Variants in FREM1 observed in about 807,000 individuals in gnomAD.
FREM1 encodes FRAS1 related extracellular matrix 1, also known as FRAS1-related extracellular matrix protein 1.
A neutral mutation model predicts 210.1 loss-of-function variants in FREM1; 220 were observed. The observed-to-expected ratio is 1.05, with a 90% CI of 0.94 to 1.17. The LOEUF (loss-of-function observed/expected upper bound fraction) is 1.17. Ranked by LOEUF, FREM1 falls within the 50% of genes most tolerant of loss-of-function variation. The pLI is 0.00. For missense variants in FREM1, 3,454 were observed against 2,675.5 expected (o/e 1.29, Z -6.42); for synonymous variants, 1,189 against 980.2 (o/e 1.21, Z -3.98).
chr9:14,900,560 A>C lies in FREM1; in HGVS notation c.-268+9354T>G, dbSNP rs559119082. On this transcript the variant is annotated intron_variant, in intron 1 of 36. Transcript: ENST00000380880. ...TAGGAAGAGCCCAAAAGCAAGACCC[A>C]GTGTGGTGGTGGTTGGTTGGGGGAG... 2.4e-3 allele frequency among the ~76,000 whole-genome samples: 369 copies of C among 152,194 alleles called. 2 individuals carry two copies. Among genetic ancestry groups the C allele is most frequent in the African/African-American group, 8.4e-3 (349 of 41,526 alleles).
intron 5 of FREM1, among the ~76,000 whole-genome samples, chr9:14,857,108 T>C (rs1299752757): frequency 6.6e-6 from 1 of 152,098 alleles, no homozygotes; most frequent in Non-Finnish European, 1.5e-5. Flanking sequence ...GAGTGACAAA[T>C]CTGTGACAAA....
chr9:14,812,302 T>A (rs116120268), intron 16 of FREM1, among the ~76,000 whole-genome samples: 4 of 152,186 alleles, frequency 2.6e-5, no homozygotes, highest in Non-Finnish European at 4.4e-5. Context: ...TTTCTGTACA[T>A]CTAACCTGTG....
intron 5 of FREM1, among the ~76,000 whole-genome samples, chr9:14,856,087 T>C (rs1201397698): frequency 6.6e-6 from 1 of 152,176 alleles, no homozygotes; most frequent in Non-Finnish European, 1.5e-5. Flanking sequence ...TTTTACTGGG[T>C]GACTTTTAAA....
intron 10 of FREM1, among the ~76,000 whole-genome samples, chr9:14,827,330 G>T (rs561350886): frequency 3.3e-5 from 5 of 152,170 alleles, no homozygotes; most frequent in Non-Finnish European, 7.4e-5. Context: ...TTATAAAGTG[G>T]CAAAGAACTT....
chr9:14,812,977 T>G lies in FREM1; in HGVS notation c.2728A>C (p.Thr910Pro), dbSNP rs1367756622. 1 of 1,613,830 alleles carries G rather than the reference T, an allele frequency of 6.2e-7. No individual in the cohort carries two copies. Among genetic ancestry groups the G allele is most frequent in the African/African-American group, 1.3e-5 (1 of 74,922 alleles). ...NCSEGGEVVI[T>P]SEYIFATDVD... Reference sequence around the variant, plus strand: ...TCAGTAGCAAAAATGTATTCAGAGGTGATGACCACCTCTCCTCCCTCTGAG... The same window carrying G: ...TCAGTAGCAAAAATGTATTCAGAGGGGATGACCACCTCTCCTCCCTCTGAG... The change falls in exon 16 of 37, where the codon ACC becomes CCC. Residue 910 changes from threonine to proline, a missense_variant. By Grantham distance (38) the Thr-to-Pro change is conservative. Transcript: ENST00000380880.
At chr9:14,739,806 C>T (rs1239639122) in intron 36 of FREM1, among the ~76,000 whole-genome samples, 1 of 151,748 alleles carries the variant, frequency 6.6e-6, no homozygotes, top group Non-Finnish European at 1.5e-5. Context: ...TTAAATCTTA[C>T]ATATTCCTTC....
At chr9:14,898,669 G>A (rs1198071166) in intron 1 of FREM1, among the ~76,000 whole-genome samples, 1 of 152,170 alleles carries the variant, frequency 6.6e-6, no homozygotes, top group African/African-American at 2.4e-5. Context: ...TTGAACCCAA[G>A]AGGCGGAGGT....
chr9:14,888,182 G>A (rs945520816), intron 1 of FREM1, among the ~76,000 whole-genome samples: 1 of 152,130 alleles, frequency 6.6e-6, no homozygotes, highest in Non-Finnish European at 1.5e-5. Flanking sequence ...TCCCTACTAT[G>A]GTTTTAGGAG....
chr9:14,796,223 G>A (rs1231861562), intron 21 of FREM1, among the ~76,000 whole-genome samples: 1 of 152,104 alleles, frequency 6.6e-6, no homozygotes, highest in Non-Finnish European at 1.5e-5. Flanking sequence ...GAGATTTGGG[G>A]GGTTTGGGTG....
chr9:14,762,250 G>A (rs1845626601), intron 27 of FREM1, among the ~76,000 whole-genome samples: 2 of 152,308 alleles, frequency 1.3e-5, no homozygotes, highest in Middle Eastern at 3.4e-3. Context: ...AAATGGGAAG[G>A]AAAGGAGGAC....
intron 15 of FREM1, among the ~76,000 whole-genome samples, chr9:14,813,798 GCC>G (rs1819821722): frequency 2.0e-5 from 3 of 152,202 alleles, no homozygotes; most frequent in Non-Finnish European, 2.9e-5. Flanking sequence ...TGAGTTCACA[GCC>G]ACAACTTGGT....
intron 15 of FREM1, among the ~76,000 whole-genome samples, chr9:14,815,625 T>G (rs1820150026): frequency 6.6e-6 from 1 of 152,172 alleles, no homozygotes; most frequent in African/African-American, 2.4e-5. Flanking sequence ...TTCAGGGGGT[T>G]CCTGTAAGTC....
intron 13 of FREM1, 87 bp from the exon 14 acceptor site, chr9:14,819,529 G>T: frequency 1.4e-6 from 1 of 712,702 alleles, no homozygotes; most frequent in Non-Finnish European, 2.3e-6. Flanking sequence ...AAAACTTCCA[G>T]TATTATCTTC....
intron 24 of FREM1, among the ~76,000 whole-genome samples, chr9:14,779,130 T>G (rs1307792590): frequency 6.6e-6 from 1 of 152,108 alleles, no homozygotes; most frequent in Non-Finnish European, 1.5e-5. Context: ...GGAAGGAGGC[T>G]AGGTGCTCCC....
intron 10 of FREM1, among the ~76,000 whole-genome samples, chr9:14,840,507 C>G (rs1487639540): frequency 6.6e-6 from 1 of 152,168 alleles, no homozygotes; most frequent in Non-Finnish European, 1.5e-5. Context: ...AGCGCGCAAG[C>G]TTGTACAGGG....
intron 1 of FREM1, among the ~76,000 whole-genome samples, chr9:14,896,108 A>T (rs769700119): frequency 7.3e-5 from 11 of 151,522 alleles, no homozygotes; most frequent in Non-Finnish European, 1.6e-4. Flanking sequence ...TGCAGTAAAG[A>T]AGCTGGCCAA....
intron 15 of FREM1, among the ~76,000 whole-genome samples, chr9:14,814,439 T>A (rs919714598): frequency 2.0e-5 from 3 of 152,192 alleles, no homozygotes; most frequent in Non-Finnish European, 4.4e-5. Context: ...CAACTATGTA[T>A]ATGTGTCCTG....
intron 8 of FREM1, among the ~76,000 whole-genome samples, chr9:14,843,173 A>G (rs1398772823): frequency 2.0e-5 from 3 of 152,228 alleles, no homozygotes; most frequent in Non-Finnish European, 4.4e-5. Flanking sequence ...ACTTCCTTCC[A>G]TCTTCTTCCC....
chr9:14,809,031 A>G (rs1818902330), intron 16 of FREM1, among the ~76,000 whole-genome samples: 1 of 152,188 alleles, frequency 6.6e-6, no homozygotes, highest in African/African-American at 2.4e-5. Context: ...AACTCCCACA[A>G]TTCCCACATT....
Sources: allele counts gnomAD v4.1 joint callset (sites outside exome capture counted in the v4.1 genomes callset), GRCh38; gene constraint gnomAD v4.1.1; transcripts MANE v1.5; gene names NCBI Gene and HGNC (gene_info 2026-07-23, HGNC 2026-07-21).